Variants in ADGRV1 observed in about 807,000 individuals in gnomAD.
The protein encoded by ADGRV1 is G-protein coupled receptor 98.
A neutral mutation model predicts 596.2 loss-of-function variants in ADGRV1; 359 were observed. The ratio of observed to expected loss-of-function variants is 0.60; its 90% CI spans 0.55 to 0.66. The LOEUF (loss-of-function observed/expected upper bound fraction) is 0.66, where lower values mean the gene tolerates loss of function less well. Among genes scored for constraint, ADGRV1 ranks in the 30% least tolerant of loss-of-function variants. The pLI is 0.00. For missense variants in ADGRV1, 7,274 were observed against 7,575.6 expected (o/e 0.96, Z 1.48); for synonymous variants, 2,681 against 2,679.2 (o/e 1.00, Z -0.02).
chr5:90,757,376 C>CT (rs1755949665), intron 57 of ADGRV1, among the ~76,000 whole-genome samples: 1 of 115,558 alleles, frequency 8.7e-6, no homozygotes, highest in Non-Finnish European at 1.8e-5. Flanking sequence ...TTTCTGAACC[C>CT]CCGCCCCAGT....
rs191486470 is a variant in ADGRV1 at position 90,595,835 on chromosome 5, C to T, written c.23-19000C>T. Among the ~76,000 whole-genome samples the T allele has an allele frequency of 3.1e-3, 423 of 136,832 alleles. 1 individual carries two copies. Among genetic ancestry groups the T allele is most frequent in the African/African-American group, 0.01 (372 of 36,366 alleles). The allele number at this position is 136,832 out of a possible 152,430, so 89.8% of individuals were successfully genotyped here. A position where few individuals can be genotyped will look rare whatever the true frequency, so the allele number is the denominator to read the frequency against. ...CGGACGGGGCAGCTGGCCGGGTGGG[C>T]GGCTGACGCCCCCACCTCCCTCCCG... is the stretch of plus-strand genomic sequence containing the variant. On this transcript the variant is annotated intron_variant, in intron 1 of 89. Transcript: ENST00000405460.
In ADGRV1 at chr5:90,867,835, G is replaced by A. The variant is rs936000228; in HGVS notation, c.17856+3978G>A. Among the ~76,000 whole-genome samples, 5 of 152,282 alleles carry A rather than the reference G, an allele frequency of 3.3e-5. No individual in the cohort carries two copies. The South Asian group carries it at 8.3e-4, about 25-fold the overall frequency. ...GTCAGAAAAGAATTTTCCTTAGTTG[G>A]AAGTTTTTGTTAATCACTTATTAAC... is the stretch of plus-strand genomic sequence containing the variant. On this transcript the variant is annotated intron_variant, in intron 83 of 89. Transcript: ENST00000405460.
chr5:90,636,685 A>G lies in ADGRV1; in HGVS notation c.2017-1040A>G, dbSNP rs1766251613. Among the ~76,000 whole-genome samples, 2 of 152,212 alleles carry G rather than the reference A, an allele frequency of 1.3e-5. 1 individual carries two copies. The highest frequency in any genetic ancestry group is 4.8e-5 in the African/African-American group (2 of 41,456). On this transcript the variant is annotated intron_variant, in intron 10 of 89. Coordinates refer to ENST00000405460, the MANE Select transcript of ADGRV1 (RefSeq NM_032119.4). ...AGCCTGGATGATGCCCACTCCCTCA[A>G]GGTGATTCAGGGCCCCAGCCCTCTG...
chr5:90,908,357 A>G (rs939038888), intron 83 of ADGRV1, among the ~76,000 whole-genome samples: 4 of 152,196 alleles, frequency 2.6e-5, no homozygotes, highest in Admixed American at 6.5e-5. Flanking sequence ...TCAAGCATTT[A>G]TCCTTTGTGT....
At chr5:90,665,290 A>C (rs1171100804) in intron 21 of ADGRV1, among the ~76,000 whole-genome samples, 1 of 151,860 alleles carries the variant, frequency 6.6e-6, no homozygotes, top group Non-Finnish European at 1.5e-5. Flanking sequence ...ACAATTTCAG[A>C]ACCTGTTATT....
rs78524235 is a variant in ADGRV1, at chr5:90,944,066, G to A, written c.17857-21349G>A. Among the ~76,000 whole-genome samples, 29 of 152,150 alleles carry A rather than the reference G, an allele frequency of 1.9e-4. No individual in the cohort carries two copies. The East Asian group carries it at 5.6e-3, about 29-fold the overall frequency. ...TTGTTGGTTTATCTTTCTAACATGG[G>A]AATTCTATGAAGGCAAGCTTTAAGT... On this transcript the variant is annotated intron_variant, in intron 83 of 89. Transcript: ENST00000405460.
Position 91,003,830 on chromosome 5 carries a change from C to T in ADGRV1, c.18152+18308C>T, listed in dbSNP as rs146236125. Among the ~76,000 whole-genome samples the T allele has an allele frequency of 8.5e-4, 129 of 151,702 alleles. No homozygotes were observed. In the East Asian group the frequency reaches 0.022, roughly 26 times the overall value. On this transcript the variant is annotated intron_variant, in intron 85 of 89. Coordinates refer to ENST00000405460, the MANE Select transcript of ADGRV1 (RefSeq NM_032119.4). ...TCAGTATGGGTACATGTATTCTTCCCGGTGGACTCAGATGTAAGAAGGACA... is the reference window on the plus strand; with the variant it reads ...TCAGTATGGGTACATGTATTCTTCCTGGTGGACTCAGATGTAAGAAGGACA...
intron 84 of ADGRV1, among the ~76,000 whole-genome samples, chr5:90,972,321 G>C (rs1419192588): frequency 6.6e-6 from 1 of 152,106 alleles, no homozygotes; most frequent in Non-Finnish European, 1.5e-5. Context: ...AGGATATCCA[G>C]GAATTGAACT....
At chr5:90,923,815 A>G (rs1416835570) in intron 83 of ADGRV1, among the ~76,000 whole-genome samples, 3 of 144,602 alleles carry the variant, frequency 2.1e-5, no homozygotes, top group East Asian at 4.1e-4. Context: ...AGAGTGTGAT[A>G]TTCCCCTTCC....
At chr5:90,689,085 C>A (rs1366944739) in intron 29 of ADGRV1, among the ~76,000 whole-genome samples, 1 of 152,106 alleles carries the variant, frequency 6.6e-6, no homozygotes, top group East Asian at 1.9e-4. Context: ...TTCAGAGGAA[C>A]AGGAATGTGA....
chr5:90,878,356 C>T (rs1769414606), intron 83 of ADGRV1, among the ~76,000 whole-genome samples: 1 of 152,194 alleles, frequency 6.6e-6, no homozygotes, highest in African/African-American at 2.4e-5. Context: ...TTGGAGGCCT[C>T]TCTTCCAGCT....
intron 38 of ADGRV1, among the ~76,000 whole-genome samples, chr5:90,707,690 T>C (rs1472518658): frequency 6.6e-6 from 1 of 152,198 alleles, no homozygotes; most frequent in Non-Finnish European, 1.5e-5. Flanking sequence ...GATTATTCCT[T>C]AGATATGTTA....
intron 83 of ADGRV1, among the ~76,000 whole-genome samples, chr5:90,932,242 C>T (rs3114655): frequency 0.53 from 80,801 of 151,886 alleles, 22,603 homozygotes; most frequent in East Asian, 0.99. Context: ...ATTTCATTTT[C>T]GTGTAAAAGG....
chr5:91,138,618 A>T (rs1243302734), intron 87 of ADGRV1, among the ~76,000 whole-genome samples: 2 of 152,298 alleles, frequency 1.3e-5, no homozygotes, highest in East Asian at 3.9e-4. Context: ...GACAGTATAT[A>T]TGCTGGAATT....
rs1754551910 is a variant in ADGRV1 at position 90,745,729 on chromosome 5, TA to T, written c.10910del (p.Asn3637MetfsTer4). On this transcript the variant is annotated frameshift_variant, in exon 52 of 90. Coordinates refer to ENST00000405460, the MANE Select transcript of ADGRV1 (RefSeq NM_032119.4). LOFTEE classifies it high-confidence loss of function. ...CCAAAGGAGGAGCAGAGATTGGCATTAATGATTCTGTAACAATAACCATTCT... is the reference window on the plus strand; with the variant it reads ...CCAAAGGAGGAGCAGAGATTGGCATTATGATTCTGTAACAATAACCATTCT... ...NPKGGAEIGI[N>X]DSVTITILSN... 2.5e-6 allele frequency: 4 copies of T among 1,612,098 alleles called. No individual in the cohort carries two copies. In the South Asian group the frequency reaches 4.4e-5, roughly 18 times the overall value.
At position 90,658,237 on chromosome 5, in the gene ADGRV1, G is replaced by A. The variant is rs1769705030; in HGVS notation, c.4711G>A (p.Ala1571Thr). Residue 1571 changes from alanine (A) to threonine (T), a missense_variant, in exon 21 of 90, where the codon GCA becomes ACA. Ala to Thr is a moderately conservative substitution (Grantham distance 58). Around this residue, in one of 5 missense-constraint regions of ADGRV1, gnomAD observed 3,643 missense variants for 3,809.2 expected, o/e 0.96. Coordinates refer to ENST00000405460, the MANE Select transcript of ADGRV1 (RefSeq NM_032119.4). ...ATTAACAATACAAAAAAGTGACAAT[G>A]CAAATGGCTTGTTTGGTTTCACAGG... ...ARLTIQKSDN[A>T]NGLFGFTGAC... The A allele has an allele frequency of 1.3e-6, 2 of 1,539,380 alleles. No homozygotes were observed. The highest frequency in any genetic ancestry group is 1.7e-6 in the Non-Finnish European group (2 of 1,143,426).
At chr5:90,703,920 A>T in intron 35 of ADGRV1, 125 bp downstream of exon 35, 1 of 679,678 alleles carries the variant, frequency 1.5e-6, no homozygotes, top group Non-Finnish European at 2.4e-6. Flanking sequence ...CCTACTTCGT[A>T]TGAATTCTTT....
intron 87 of ADGRV1, among the ~76,000 whole-genome samples, chr5:91,115,971 C>T (rs1462822613): frequency 6.6e-6 from 1 of 151,742 alleles, no homozygotes; most frequent in East Asian, 1.9e-4. Flanking sequence ...ACAACAACAA[C>T]AGACTAATAA....
At position 91,142,053 on chromosome 5, in the gene ADGRV1, C is replaced by A. The variant is rs553145423; in HGVS notation, c.18433-7977C>A. ...AAGCCGTGGCACATGTTACATGTTG[C>A]AACAGAAAGACTAAGCTGAAACAAA... On this transcript the variant is annotated intron_variant, in intron 87 of 89. Coordinates refer to ENST00000405460, the MANE Select transcript of ADGRV1 (RefSeq NM_032119.4). Among the ~76,000 whole-genome samples, 139 of 152,272 alleles carry A rather than the reference C, an allele frequency of 9.1e-4. 1 individual carries two copies. The highest frequency in any genetic ancestry group is 3.2e-3 in the African/African-American group (132 of 41,548).
Sources: allele counts gnomAD v4.1 joint callset (sites outside exome capture counted in the v4.1 genomes callset), GRCh38; gene constraint gnomAD v4.1.1; regional missense constraint gnomAD v4.1.1; transcripts MANE v1.5; gene names NCBI Gene and HGNC (gene_info 2026-07-23, HGNC 2026-07-21).